Variants in XKR4 observed in about 807,000 individuals in gnomAD.
The protein encoded by XKR4 is XK related 4.
In XKR4, 12 loss-of-function variants were observed where a neutral mutation model predicts 53.9. That is an observed-to-expected ratio of 0.22 (90% CI 0.14 to 0.36). XKR4 has a LOEUF of 0.36. XKR4 is among the 10% of genes least tolerant of loss of function. The pLI, the probability that XKR4 is intolerant of heterozygous loss-of-function variation, is 1.00. For missense variants in XKR4, 799 were observed against 859.5 expected (o/e 0.93, Z 0.88); for synonymous variants, 354 against 362.4 (o/e 0.98, Z 0.26).
In XKR4 at chr8:55,142,096, G is replaced by T. The variant is rs112743799; in HGVS notation, c.806+38802G>T. On this transcript the variant is annotated intron_variant, in intron 1 of 2. Transcript: ENST00000327381. ...CCTGGTGACTTTCTGGGCTGCTGGGGAGTCTTAACTATTCTCTCCTCCCTA... is the reference window on the plus strand; with the variant it reads ...CCTGGTGACTTTCTGGGCTGCTGGGTAGTCTTAACTATTCTCTCCTCCCTA... 293 of 456,076 alleles carry T rather than the reference G, an allele frequency of 6.4e-4. 2 individuals are homozygous for T. Among genetic ancestry groups the T allele is most frequent in the African/African-American group, 5.3e-3 (265 of 50,188 alleles). The allele number at this position is 456,076 out of a possible 1,614,324, so 28.3% of individuals were successfully genotyped here.
chr8:55,472,634 C>G (rs1354686567), intron 2 of XKR4, among the ~76,000 whole-genome samples: 2 of 152,054 alleles, frequency 1.3e-5, no homozygotes, highest in Non-Finnish European at 2.9e-5. Flanking sequence ...CAGAGAGGAG[C>G]ACTTCGTAGA....
At chr8:55,250,476 C>T (rs1048325252) in intron 1 of XKR4, among the ~76,000 whole-genome samples, 7 of 152,148 alleles carry the variant, frequency 4.6e-5, no homozygotes, top group African/African-American at 1.7e-4. Context: ...TAATTTAGGG[C>T]TTCATAAGAG....
intron 1 of XKR4, among the ~76,000 whole-genome samples, chr8:55,199,686 G>C (rs1817554050): frequency 6.6e-6 from 1 of 152,114 alleles, no homozygotes; most frequent in Admixed American, 6.5e-5. Flanking sequence ...CACAGCTATG[G>C]ATCACTAACA....
At chr8:55,270,668 G>A (rs1350962561) in intron 1 of XKR4, among the ~76,000 whole-genome samples, 8 of 152,190 alleles carry the variant, frequency 5.3e-5, no homozygotes, top group African/African-American at 1.9e-4. Context: ...CCTACATTGG[G>A]TAATGTAAGC....
intron 1 of XKR4, among the ~76,000 whole-genome samples, chr8:55,187,910 TA>T (rs1437377904): frequency 6.6e-6 from 1 of 152,252 alleles, no homozygotes; most frequent in African/African-American, 2.4e-5. Context: ...ATTAATTATA[TA>T]AACCATTTCT....
At chr8:55,315,321 G>A (rs886662468) in intron 1 of XKR4, among the ~76,000 whole-genome samples, 6 of 152,222 alleles carry the variant, frequency 3.9e-5, no homozygotes, top group Admixed American at 3.9e-4. Context: ...TTTTGTAAAT[G>A]CAATAAGTGG....
At chr8:55,389,333 G>A (rs1017596778) in intron 2 of XKR4, among the ~76,000 whole-genome samples, 1 of 152,144 alleles carries the variant, frequency 6.6e-6, no homozygotes, top group African/African-American at 2.4e-5. Context: ...AGCCTGATAG[G>A]AAATGATTTC....
At chr8:55,504,187 T>TTTTTGTTTTGTTTTG (rs34175312) in intron 2 of XKR4, among the ~76,000 whole-genome samples, 37 of 146,012 alleles carry the variant, frequency 2.5e-4, no homozygotes, top group Non-Finnish European at 3.0e-4. Flanking sequence ...GTTGTTGTTG[T>TTTTTGTTTTGTTTTG]TTTTGTTTTG....
At chr8:55,250,001 T>A (rs1452430975) in intron 1 of XKR4, among the ~76,000 whole-genome samples, 1 of 152,204 alleles carries the variant, frequency 6.6e-6, no homozygotes, top group African/African-American at 2.4e-5. Context: ...TCTGAAAAAT[T>A]AAGTGTACAT....
intron 1 of XKR4, among the ~76,000 whole-genome samples, chr8:55,255,926 T>C (rs1376298087): frequency 6.6e-6 from 1 of 151,434 alleles, no homozygotes; most frequent in Admixed American, 6.6e-5. Flanking sequence ...AGAAGAATAG[T>C]ACAAGAGACA....
chr8:55,236,018 G>T (rs1818116366), intron 1 of XKR4, among the ~76,000 whole-genome samples: 1 of 152,172 alleles, frequency 6.6e-6, no homozygotes, highest in Non-Finnish European at 1.5e-5. Flanking sequence ...CCCAAAGCTT[G>T]CCTTGTTCCA....
At chr8:55,366,069 G>A (rs570321244) in intron 2 of XKR4, among the ~76,000 whole-genome samples, 2 of 152,364 alleles carry the variant, frequency 1.3e-5, no homozygotes, top group South Asian at 4.1e-4. Flanking sequence ...GCCAAAAGCA[G>A]CGGCTGGCTG....
chr8:55,409,274 A>T (rs1427226107), intron 2 of XKR4, among the ~76,000 whole-genome samples: 1 of 152,212 alleles, frequency 6.6e-6, no homozygotes, highest in Admixed American at 6.5e-5. Context: ...AGTTTCTTAA[A>T]TCCCTCCCCT....
At chr8:55,263,488 A>T (rs987299155) in intron 1 of XKR4, among the ~76,000 whole-genome samples, 2 of 152,220 alleles carry the variant, frequency 1.3e-5, no homozygotes, top group South Asian at 2.1e-4. Flanking sequence ...TTCTAGGGAT[A>T]AAGGCAGAAA....
intron 1 of XKR4, among the ~76,000 whole-genome samples, chr8:55,255,125 A>G (rs1818419346): frequency 6.6e-6 from 1 of 152,182 alleles, no homozygotes; most frequent in East Asian, 1.9e-4. Context: ...TGTCTCCACA[A>G]TTACATTCAT....
At chr8:55,408,285 C>T (rs1253754658) in intron 2 of XKR4, among the ~76,000 whole-genome samples, 1 of 152,160 alleles carries the variant, frequency 6.6e-6, no homozygotes, top group East Asian at 1.9e-4. Context: ...GATTTTTCTT[C>T]CAATAGGAAT....
chr8:55,508,799 G>A (rs2129404366), intron 2 of XKR4, among the ~76,000 whole-genome samples: 1 of 152,334 alleles, frequency 6.6e-6, no homozygotes, highest in East Asian at 1.9e-4. Flanking sequence ...ACAACAGTGT[G>A]AAAATGAATG....
In XKR4 at chr8:55,523,377, G is replaced by C; in HGVS notation, c.1103G>C (p.Ser368Thr). 1 of 1,614,210 alleles carries C rather than the reference G, an allele frequency of 6.2e-7. No individual in the cohort carries two copies. Residue 368 changes from serine (S) to threonine (T), a missense_variant, in exon 3 of 3, where the codon AGC becomes ACC. By Grantham distance (58) the Ser-to-Thr change is moderately conservative. This residue lies in a region of XKR4 where 476 missense variants were observed against 505.4 expected (regional missense o/e 0.94). Transcript: ENST00000327381. The stretch of plus-strand genomic sequence containing the variant: ...TCTCGAGATGACAAGAAGCCCATCA[G>C]CTACATGGCCGTCATCATCCAGTTC... ...RDSRDDKKPI[S>T]YMAVIIQFCW...
In XKR4 at chr8:55,527,250, T is replaced by G. The variant is rs959634817; in HGVS notation, c.*3023T>G. 1.3e-5 allele frequency: 2 copies of G among 152,216 alleles called. No homozygotes were observed. Among genetic ancestry groups the G allele is most frequent in the African/African-American group, 4.8e-5 (2 of 41,462 alleles). The allele number at this position is 152,216 out of a possible 1,614,324, so 9.4% of individuals were successfully genotyped here. On this transcript the variant is annotated 3_prime_UTR_variant, in exon 3 of 3. Transcript: ENST00000327381. ...TTTATATTTTAATTCTAACATTTCC[T>G]TTTCAATCTGCCATTAAACCCTCCG...
Sources: gnomAD v4.1 joint callset for allele counts (sites outside exome capture counted in the v4.1 genomes callset) on GRCh38, gnomAD v4.1.1 for gene constraint, gnomAD v4.1.1 regional missense constraint, MANE v1.5 for transcripts, NCBI Gene and HGNC (gene_info 2026-07-23, HGNC 2026-07-21) for gene names.